Variants in TNFRSF10A observed in about 807,000 individuals in gnomAD.
TNFRSF10A encodes the protein TNF receptor superfamily member 10a.
In TNFRSF10A, 44 loss-of-function variants were observed where a neutral mutation model predicts 42.8. That is an observed-to-expected ratio of 1.03 (90% CI 0.81 to 1.32). TNFRSF10A has a LOEUF of 1.32. Among genes scored for constraint, TNFRSF10A ranks in the 40% most tolerant of loss-of-function variants. The pLI is 0.00. For synonymous variants in TNFRSF10A, 259 were observed against 234.2 expected, an observed-to-expected ratio of 1.11 and a Z score of -0.97; for missense variants, 680 against 602.0, an observed-to-expected ratio of 1.13 and a Z score of -1.36.
chr8:23,199,455 A>G lies in TNFRSF10A; in HGVS notation c.832-7T>C. 1 of 1,606,452 alleles carries G rather than the reference A, an allele frequency of 6.2e-7. No homozygotes were observed. The highest frequency in any genetic ancestry group is 8.5e-7 in the Non-Finnish European group (1 of 1,173,710). Reference sequence around the variant, plus strand: ...CCAAGCGCCAGAAACACACCTTAGGAAGGCAAAGAGCCAACTCAGAAGCCC... The same window carrying G: ...CCAAGCGCCAGAAACACACCTTAGGGAGGCAAAGAGCCAACTCAGAAGCCC... On this transcript the variant is annotated splice_region_variant and splice_polypyrimidine_tract_variant and intron_variant, in intron 7 of 9. Coordinates refer to ENST00000221132, the MANE Select transcript of TNFRSF10A (RefSeq NM_003844.4).
In TNFRSF10A at chr8:23,191,769, A is replaced by C. The variant is rs761796662; in HGVS notation, c.1332T>G (p.Ile444Met). Residue 444 changes from isoleucine (I) to methionine (M), a missense_variant, in exon 10 of 10, where the codon ATT becomes ATG. By Grantham distance (10) the Ile-to-Met change is conservative (BLOSUM62 1). Transcript: ENST00000221132. ...RMEERHAREK[I>M]QDLLVDSGKF... ...TTCCAGAGTCCACCAAGAGGTCCTGAATCTTCTCTCTTGCATGTCTCTCTT... is the reference window on the plus strand; with the variant it reads ...TTCCAGAGTCCACCAAGAGGTCCTGCATCTTCTCTCTTGCATGTCTCTCTT... 1 of 1,614,170 alleles carries C rather than the reference A, an allele frequency of 6.2e-7. No individual in the cohort carries two copies. Among genetic ancestry groups the C allele is most frequent in the East Asian group, 2.2e-5 (1 of 44,890 alleles).
chr8:23,218,165 T>TGA (rs1031883281), intron 1 of TNFRSF10A, among the ~76,000 whole-genome samples: 16 of 151,376 alleles, frequency 1.1e-4, no homozygotes, highest in Non-Finnish European at 2.1e-4. Flanking sequence ...TTTGTGTGTG[T>TGA]GAGAGAGAGA....
chr8:23,219,985 C>G (rs1165711459), intron 1 of TNFRSF10A, among the ~76,000 whole-genome samples: 1 of 152,230 alleles, frequency 6.6e-6, no homozygotes, highest in Non-Finnish European at 1.5e-5. Flanking sequence ...GCTGCACACA[C>G]TTTCCCTCTC....
At chr8:23,212,288 TC>T (rs1455449447) in intron 1 of TNFRSF10A, 76 bp from the exon 2 acceptor site, 9 of 1,295,282 alleles carry the variant, frequency 6.9e-6, no homozygotes, top group Non-Finnish European at 1.0e-5. Flanking sequence ...CACATTCCAT[TC>T]CCCCAAGCCT....
chr8:23,199,497 A>G, intron 7 of TNFRSF10A, 49 bp from the exon 8 acceptor site: 14 of 1,593,084 alleles, frequency 8.8e-6, no homozygotes, highest in Non-Finnish European at 1.1e-5. Flanking sequence ...AGGGCTCCCC[A>G]CGGGGTCCGT....
intron 2 of TNFRSF10A, 43 bp from the exon 3 acceptor site, chr8:23,202,804 T>G (rs969620735): frequency 1.4e-6 from 2 of 1,402,514 alleles, no homozygotes; most frequent in Non-Finnish European, 2.0e-6. Flanking sequence ...TGCCACAGAG[T>G]TCCCAGAGGA....
intron 1 of TNFRSF10A, among the ~76,000 whole-genome samples, chr8:23,222,689 T>G (rs887565502): frequency 1.1e-4 from 16 of 152,280 alleles, no homozygotes; most frequent in African/African-American, 3.4e-4. Flanking sequence ...AGGGCTCACG[T>G]TGAAATCTGA....
At chr8:23,213,908 T>G (rs1452059572) in intron 1 of TNFRSF10A, among the ~76,000 whole-genome samples, 3 of 152,226 alleles carry the variant, frequency 2.0e-5, no homozygotes, top group Admixed American at 6.5e-5. Context: ...TATTTTCTTT[T>G]GAAACATTTT....
rs1801314481 is a variant in TNFRSF10A at position 23,224,825 on chromosome 8, C to T, written c.237G>A (p.Ala79=). 1.3e-6 allele frequency: 2 copies of T among 1,565,946 alleles called. No individual in the cohort carries two copies. Among genetic ancestry groups the T allele is most frequent in the African/African-American group, 2.7e-5 (2 of 73,952 alleles). Residue 79 remains alanine, a synonymous_variant, in exon 1 of 10, where the codon GCG becomes GCA. Coordinates refer to ENST00000221132, the MANE Select transcript of TNFRSF10A (RefSeq NM_003844.4). ...CCCGGAGCCGAGGGCTGGCTTCCCGCGCCGGCCTGGGTCCTGGGGCGCGCC... is the reference window on the plus strand; with the variant it reads ...CCCGGAGCCGAGGGCTGGCTTCCCGTGCCGGCCTGGGTCCTGGGGCGCGCC... ...RAGRAPGPRP[A]REASPRLRVH...
intron 1 of TNFRSF10A, among the ~76,000 whole-genome samples, chr8:23,217,679 C>T (rs1470440029): frequency 1.3e-5 from 2 of 152,168 alleles, no homozygotes; most frequent in East Asian, 3.8e-4. Flanking sequence ...CTATGAAAGG[C>T]TGAGGACGTC....
chr8:23,204,210 C>G (rs1800974886), intron 2 of TNFRSF10A, among the ~76,000 whole-genome samples: 1 of 152,138 alleles, frequency 6.6e-6, no homozygotes, highest in Non-Finnish European at 1.5e-5. Flanking sequence ...TATGCTCTCC[C>G]TATAAGGAAA....
intron 2 of TNFRSF10A, among the ~76,000 whole-genome samples, chr8:23,207,650 T>C (rs1801035322): frequency 6.6e-6 from 1 of 152,168 alleles, no homozygotes; most frequent in Non-Finnish European, 1.5e-5. Flanking sequence ...AATTGAATCA[T>C]GTGGGGCAGG....
chr8:23,196,880 AGGAGAAGAGAGGAGGT>A (rs1365350867), intron 9 of TNFRSF10A, among the ~76,000 whole-genome samples: 1 of 152,180 alleles, frequency 6.6e-6, no homozygotes, highest in Non-Finnish European at 1.5e-5. Flanking sequence ...TGAACAACAA[AGGAGAAGAGAGGAGGT>A]GGAGAAGAGG....
chr8:23,196,790 G>A (rs1418103702), intron 9 of TNFRSF10A, among the ~76,000 whole-genome samples: 3 of 152,190 alleles, frequency 2.0e-5, no homozygotes, highest in Non-Finnish European at 4.4e-5. Flanking sequence ...TTGGGCTTAG[G>A]CACAGATAAA....
intron 3 of TNFRSF10A, among the ~76,000 whole-genome samples, chr8:23,202,366 G>C (rs1049376615): frequency 1.3e-5 from 2 of 152,154 alleles, no homozygotes; most frequent in African/African-American, 4.8e-5. Context: ...GAGCAGACCC[G>C]TACCACCGCT....
intron 1 of TNFRSF10A, among the ~76,000 whole-genome samples, chr8:23,212,482 T>G: frequency 6.6e-6 from 1 of 152,186 alleles, no homozygotes; most frequent in East Asian, 1.9e-4. Flanking sequence ...TATTTTATGG[T>G]TTTCTTGAGG....
chr8:23,207,252 G>A, intron 2 of TNFRSF10A: 3 of 595,408 alleles, frequency 5.0e-6, no homozygotes, highest in South Asian at 4.1e-5. Context: ...GCTCTATGAT[G>A]TTTATGTGGC....
chr8:23,196,803 G>T (rs546530739), intron 9 of TNFRSF10A, among the ~76,000 whole-genome samples: 1 of 152,322 alleles, frequency 6.6e-6, no homozygotes, highest in East Asian at 1.9e-4. Flanking sequence ...CAGATAAAGA[G>T]CTATTAGCCC....
intron 8 of TNFRSF10A, among the ~76,000 whole-genome samples, chr8:23,198,528 ACT>A (rs1330572702): frequency 2.0e-5 from 3 of 152,176 alleles, no homozygotes; most frequent in African/African-American, 4.8e-5. Context: ...TCTCATAAAG[ACT>A]CTGAGAGACA....
Sources: gnomAD v4.1 joint callset for allele counts (sites outside exome capture counted in the v4.1 genomes callset) on GRCh38, gnomAD v4.1.1 for gene constraint, MANE v1.5 for transcripts, NCBI Gene and HGNC (gene_info 2026-07-23, HGNC 2026-07-21) for gene names.